The following UNC80 variants were observed in gnomAD, a reference collection of about 807,000 sequenced individuals.
UNC80 encodes unc-80 subunit of NALCN channel complex.
A neutral mutation model predicts 384.6 loss-of-function variants in UNC80; 164 were observed. The ratio of observed to expected loss-of-function variants is 0.43; its 90% CI spans 0.38 to 0.49. The LOEUF is 0.49. Ranked by LOEUF, UNC80 falls within the 20% of genes least tolerant of loss-of-function variation. UNC80 has a pLI of 0.00. For synonymous variants in UNC80, 1,486 were observed against 1,527.8 expected (o/e 0.97, Z 0.64); for missense variants, 3,330 against 4,143.0 (o/e 0.80, Z 5.39).
intron 28 of UNC80, among the ~76,000 whole-genome samples, chr2:209,904,429 T>C (rs1367862708): frequency 6.6e-6 from 1 of 152,208 alleles, no homozygotes; most frequent in Admixed American, 6.5e-5. Context: ...TTCCCCAATA[T>C]AAGAGCTGGA....
chr2:209,901,150 G>A (rs866294776), intron 28 of UNC80, among the ~76,000 whole-genome samples: 8 of 152,316 alleles, frequency 5.3e-5, no homozygotes, highest in Middle Eastern at 3.4e-3. Context: ...ATGTAGAAGA[G>A]CCTTTTGTTA....
In UNC80 at chr2:209,994,234, T is replaced by G. The variant is rs780809525; in HGVS notation, c.9678T>G (p.Val3226=). The G allele has an allele frequency of 1.2e-5, 18 of 1,551,132 alleles. No homozygotes were observed. The highest frequency in any genetic ancestry group is 1.7e-4 in the Middle Eastern group (1 of 5,986). The change falls in exon 64 of 65, where the codon GTT becomes GTG. Residue 3226 remains valine (V), a synonymous_variant. Transcript: ENST00000673920. ...TCACATCTTCTCCCGCCATAGTTGT[T>G]GCGGATCTCCACAGCGTGTCTCCCA... is the stretch of plus-strand genomic sequence containing the variant. ...PVLTSSPAIV[V]ADLHSVSPKQ... is the part of the protein sequence containing the mutation.
At chr2:209,977,440 A>G (rs1259722468) in intron 58 of UNC80, among the ~76,000 whole-genome samples, 2 of 152,214 alleles carry the variant, frequency 1.3e-5, no homozygotes, top group African/African-American at 4.8e-5. Context: ...GGGGACATTC[A>G]TTTATTGAGC....
At chr2:209,957,118 CT>C (rs2124998871) in intron 48 of UNC80, among the ~76,000 whole-genome samples, 1 of 152,316 alleles carries the variant, frequency 6.6e-6, no homozygotes, top group East Asian at 1.9e-4. Flanking sequence ...AAATTACTGA[CT>C]TATAAGATAC....
chr2:209,895,275 G>A (rs1220105889), intron 27 of UNC80, among the ~76,000 whole-genome samples: 1 of 152,208 alleles, frequency 6.6e-6, no homozygotes, highest in Non-Finnish European at 1.5e-5. Context: ...TTCAGTCTCT[G>A]TATGCAAGGC....
At chr2:209,773,029 C>A in intron 1 of UNC80, 65 bp from the exon 2 acceptor site, 1 of 1,302,378 alleles carries the variant, frequency 7.7e-7, no homozygotes, top group Non-Finnish European at 1.1e-6. Context: ...AAAAATACGT[C>A]ACAAGGATGC....
chr2:209,779,956 C>A (rs1024914958), intron 4 of UNC80, among the ~76,000 whole-genome samples: 3 of 152,184 alleles, frequency 2.0e-5, no homozygotes, highest in Admixed American at 6.5e-5. Flanking sequence ...TACTGTAAGA[C>A]ATTGAGCAAA....
intron 22 of UNC80, among the ~76,000 whole-genome samples, chr2:209,857,007 C>G (rs2082985622): frequency 6.6e-6 from 1 of 152,062 alleles, no homozygotes; most frequent in African/African-American, 2.4e-5. Flanking sequence ...TCAGGCTGAT[C>G]TAGAACTCCT....
intron 7 of UNC80, chr2:209,808,832 T>C (rs2153826889): frequency 1.2e-5 from 4 of 337,116 alleles, no homozygotes; most frequent in East Asian, 1.0e-4. Flanking sequence ...GTCAGGAAGC[T>C]CCCTGACCCT....
intron 6 of UNC80, among the ~76,000 whole-genome samples, chr2:209,792,857 T>C (rs926043708): frequency 1.3e-5 from 2 of 152,214 alleles, no homozygotes; most frequent in African/African-American, 2.4e-5. Flanking sequence ...TCTTGAGACA[T>C]AACTGTAAGC....
chr2:209,896,008 A>G (rs574707489), intron 27 of UNC80, among the ~76,000 whole-genome samples: 8 of 152,262 alleles, frequency 5.3e-5, no homozygotes, highest in South Asian at 2.1e-4. Context: ...GGCGCACTCA[A>G]TCAATAACTG....
intron 41 of UNC80, among the ~76,000 whole-genome samples, chr2:209,937,141 G>A (rs538989119): frequency 1.6e-4 from 24 of 152,312 alleles, no homozygotes; most frequent in African/African-American, 5.8e-4. Flanking sequence ...TGAAGGTAAT[G>A]ATAATGGTAT....
chr2:209,905,059 A>G (rs1397765453), intron 29 of UNC80, 94 bp downstream of exon 29: 3 of 1,306,578 alleles, frequency 2.3e-6, no homozygotes, highest in Admixed American at 2.0e-5. Context: ...AGCAAATGCA[A>G]TTGTAACAAT....
At chr2:209,978,910 T>TA (rs2093081854) in intron 59 of UNC80, among the ~76,000 whole-genome samples, 1 of 152,204 alleles carries the variant, frequency 6.6e-6, no homozygotes, top group Non-Finnish European at 1.5e-5. Context: ...TTTGGTCATT[T>TA]AAAAAGAATT....
At position 209,943,447 on chromosome 2, in the gene UNC80, A is replaced by T. The variant is rs549727900; in HGVS notation, c.6983A>T (p.Tyr2328Phe). 7 of 1,552,088 alleles carry T rather than the reference A, an allele frequency of 4.5e-6. No homozygotes were observed. The South Asian group carries it at 7.1e-5, about 16-fold the overall frequency. ...QAIEFACHQF[Y>F]ILHRKPFVLQ... ...ATCGAATTTGCCTGTCACCAGTTCT[A>T]TATTCTACACCGGAAGCCCTTTGTG... The change falls in exon 45 of 65, where the codon TAT (tyrosine) becomes TTT (phenylalanine). Residue 2328 changes from tyrosine to phenylalanine, a missense_variant. This residue lies in a region of UNC80 where 1,049 missense variants were observed against 1,488.6 expected (regional missense o/e 0.70). Coordinates refer to ENST00000673920, the MANE Select transcript of UNC80 (RefSeq NM_001371986.1).
At chr2:209,815,559 G>A (rs1037336279) in intron 9 of UNC80, among the ~76,000 whole-genome samples, 168 bp downstream of exon 9, 35 of 152,256 alleles carry the variant, frequency 2.3e-4, no homozygotes, top group African/African-American at 7.0e-4. Flanking sequence ...CCCTGTGCAA[G>A]TCCCTCTGTG....
At chr2:209,795,950 G>A (rs2078126549) in intron 7 of UNC80, 1 of 152,412 alleles carries the variant, frequency 6.6e-6, no homozygotes, top group East Asian at 1.9e-4. Context: ...GTGCTGCCAG[G>A]TGGAGCTGTG....
At chr2:209,935,953 T>C in intron 40 of UNC80, 145 bp downstream of exon 40, 1 of 552,562 alleles carries the variant, frequency 1.8e-6, no homozygotes, top group Non-Finnish European at 3.2e-6. Context: ...GCCCCACTAT[T>C]ATTTCCTTAT....
Position 209,831,610 on chromosome 2 carries a change from T to C in UNC80, c.2775+19T>C, listed in dbSNP as rs922540487. 5.3e-6 allele frequency: 8 copies of C among 1,517,098 alleles called. No individual in the cohort carries two copies. Among genetic ancestry groups the C allele is most frequent in the African/African-American group, 2.8e-5 (2 of 71,834 alleles). The allele number at this position is 1,517,098 out of a possible 1,614,324, so 94.0% of individuals were successfully genotyped here. A position where few individuals can be genotyped will look rare whatever the true frequency, so the allele number is the denominator to read the frequency against. ...GAATCTGGTGAGAAGCTCTCCTCTC[T>C]TCCCACAGGAGCTCTCAGTCTCTGC... On this transcript the variant is annotated intron_variant, in intron 16 of 64. Coordinates refer to ENST00000673920, the MANE Select transcript of UNC80 (RefSeq NM_001371986.1).
Sources: allele counts gnomAD v4.1 joint callset (sites outside exome capture counted in the v4.1 genomes callset), GRCh38; gene constraint gnomAD v4.1.1; regional missense constraint gnomAD v4.1.1; transcripts MANE v1.5; gene names NCBI Gene and HGNC (gene_info 2026-07-23, HGNC 2026-07-21).